The following CORO2A variants were observed in gnomAD, a reference collection of about 807,000 sequenced individuals.
CORO2A encodes the protein coronin-2A.
In CORO2A, 47 loss-of-function variants were observed where a neutral mutation model predicts 62.4. That is an observed-to-expected ratio of 0.75 (90% CI 0.60 to 0.96). CORO2A has a LOEUF of 0.96. CORO2A is among the 40% of genes least tolerant of loss of function. CORO2A has a pLI of 0.00. For synonymous variants in CORO2A, 273 were observed against 268.9 expected, an observed-to-expected ratio of 1.02 and a Z score of -0.15; for missense variants, 610 against 684.1, an observed-to-expected ratio of 0.89 and a Z score of 1.21.
At chr9:98,192,312 GC>G (rs990395647) in intron 1 of CORO2A, among the ~76,000 whole-genome samples, 53 of 152,338 alleles carry the variant, frequency 3.5e-4, no homozygotes, top group African/African-American at 1.3e-3. Flanking sequence ...CCTCGAGGCG[GC>G]CCCTCCCAAC....
In CORO2A at chr9:98,130,987, C is replaced by T. The variant is rs369134629; in HGVS notation, c.838G>A (p.Ala280Thr). 8.7e-6 allele frequency: 14 copies of T among 1,613,836 alleles called. No individual in the cohort carries two copies. The highest frequency in any genetic ancestry group is 3.3e-5 in the South Asian group (3 of 91,040). The change falls in exon 7 of 12, where the codon GCG becomes ACG. Residue 280 changes from alanine (A) to threonine (T), a missense_variant. Transcript: ENST00000375077. ...SSGVLFPFYD[A>T]DTSMLYVVGK... ...ACCACGTAGAGCATGCTGGTGTCCG[C>T]GTCATAGAAGGGAAACAGCACGCCC...
At chr9:98,137,342 C>T (rs1206408153) in intron 3 of CORO2A, among the ~76,000 whole-genome samples, 1 of 152,122 alleles carries the variant, frequency 6.6e-6, no homozygotes, top group East Asian at 1.9e-4. Flanking sequence ...ACTATTATGC[C>T]CATTTTATAT....
intron 1 of CORO2A, among the ~76,000 whole-genome samples, chr9:98,182,096 T>C (rs781422241): frequency 1.3e-5 from 2 of 152,206 alleles, no homozygotes; most frequent in Non-Finnish European, 2.9e-5. Context: ...CTCCAGATTC[T>C]GTGGGACTCT....
intron 9 of CORO2A, 32 bp downstream of exon 9, chr9:98,128,575 C>A: frequency 6.3e-7 from 1 of 1,592,342 alleles, no homozygotes; most frequent in Non-Finnish European, 8.6e-7. Context: ...AGGTTCCCCA[C>A]CTGCCTCCCA....
At chr9:98,137,754 A>G (rs1029851051) in intron 2 of CORO2A, 66 bp from the exon 3 acceptor site, 6 of 1,176,434 alleles carry the variant, frequency 5.1e-6, no homozygotes, top group Admixed American at 3.4e-5. Context: ...GGACAGTCAC[A>G]TAGTCAGTTA....
chr9:98,141,410 G>A lies in CORO2A; in HGVS notation c.202-3722C>T, dbSNP rs184053136. 3.7e-4 allele frequency among the ~76,000 whole-genome samples: 56 copies of A among 150,634 alleles called. No homozygotes were observed. The East Asian group carries it at 0.01, about 28-fold the overall frequency. ...CTTGTTGCTCAGGCTGGGGTGCAGC[G>A]GTGCGATCCCGGATCACTGCAACCT... On this transcript the variant is annotated intron_variant, in intron 2 of 11. Transcript: ENST00000375077.
Position 98,128,593 on chromosome 9 carries a change from C to T in CORO2A, c.1080+14G>A, listed in dbSNP as rs768618360. 15 of 1,612,156 alleles carry T rather than the reference C, an allele frequency of 9.3e-6. No individual in the cohort carries two copies. In the South Asian group the frequency reaches 1.6e-4, roughly 18 times the overall value. ...TTCCCCACCTGCCTCCCATGCGGTC[C>T]CGACTGCCCTTACCCGCCGGGGCAC... On this transcript the variant is annotated intron_variant, in intron 9 of 11. Transcript: ENST00000375077.
chr9:98,174,142 A>C lies in CORO2A; in HGVS notation c.1-16482T>G, dbSNP rs547697100. Among the ~76,000 whole-genome samples, 11 of 106,102 alleles carry C rather than the reference A, an allele frequency of 1.0e-4. No individual in the cohort carries two copies. The East Asian group carries it at 3.0e-3, about 29-fold the overall frequency. The allele number at this position is 106,102 out of a possible 152,430, so 69.6% of individuals were successfully genotyped here. A position where few individuals can be genotyped will look rare whatever the true frequency, so the allele number is the denominator to read the frequency against. On this transcript the variant is annotated intron_variant, in intron 1 of 11. Coordinates refer to ENST00000375077, the MANE Select transcript of CORO2A (RefSeq NM_052820.4). The stretch of plus-strand genomic sequence containing the variant: ...CCCCCACCGCCAAAACAAAAAACAA[A>C]AAAAAAAAACCAAAGAGCGTGTAGC...
At chr9:98,125,981 G>A (rs995247899) in intron 11 of CORO2A, among the ~76,000 whole-genome samples, 1 of 150,518 alleles carries the variant, frequency 6.6e-6, no homozygotes, top group Non-Finnish European at 1.5e-5. Flanking sequence ...GCCTACCAAA[G>A]TGCTGGGATT....
intron 2 of CORO2A, among the ~76,000 whole-genome samples, chr9:98,150,338 C>T (rs1010154043): frequency 5.9e-5 from 9 of 152,164 alleles, no homozygotes; most frequent in African/African-American, 1.9e-4. Flanking sequence ...ACTCCCCAAT[C>T]TGACCTCACC....
intron 1 of CORO2A, among the ~76,000 whole-genome samples, chr9:98,164,110 A>G (rs1416195386): frequency 6.6e-6 from 1 of 152,174 alleles, no homozygotes; most frequent in Non-Finnish European, 1.5e-5. Context: ...GCCACCTGTA[A>G]GTGCCTGGTG....
intron 1 of CORO2A, among the ~76,000 whole-genome samples, chr9:98,158,289 A>T (rs1268957765): frequency 3.3e-5 from 5 of 152,204 alleles, no homozygotes; most frequent in Admixed American, 3.3e-4. Context: ...CTAAAAAAAA[A>T]ATAAAAGAGA....
intron 1 of CORO2A, among the ~76,000 whole-genome samples, chr9:98,180,704 C>T (rs2118930771): frequency 1.3e-5 from 2 of 152,282 alleles, no homozygotes; most frequent in East Asian, 3.9e-4. Context: ...CGCACCCTCC[C>T]CACCTCCAGC....
At chr9:98,149,499 A>G (rs1285453744) in intron 2 of CORO2A, among the ~76,000 whole-genome samples, 1 of 152,260 alleles carries the variant, frequency 6.6e-6, no homozygotes, top group East Asian at 1.9e-4. Flanking sequence ...GCAGGAGGCA[A>G]AAGAAGCCTG....
At chr9:98,167,745 T>C (rs1276164431) in intron 1 of CORO2A, among the ~76,000 whole-genome samples, 1 of 152,266 alleles carries the variant, frequency 6.6e-6, no homozygotes, top group East Asian at 1.9e-4. Context: ...TGTGCTTATA[T>C]TAGACAAGAG....
rs867218697 is a variant in CORO2A, at chr9:98,172,439, A to G, written c.1-14779T>C. On this transcript the variant is annotated intron_variant, in intron 1 of 11. Coordinates refer to ENST00000375077, the MANE Select transcript of CORO2A (RefSeq NM_052820.4). ...GCCCCACTTCCGAGCTCAGCCCCAC[A>G]CCCCACTTCCAAGCTCAGCCCCACA... Among the ~76,000 whole-genome samples the G allele has an allele frequency of 6.8e-3, 361 of 52,942 alleles. 32 individuals are homozygous for G. Among genetic ancestry groups the G allele is most frequent in the African/African-American group, 0.025 (262 of 10,542 alleles). 34.7% of individuals were successfully genotyped at this position (52,942 alleles called of 152,430 possible).
In CORO2A at chr9:98,151,946, A is replaced by T. The variant is rs1827731238; in HGVS notation, c.201+5514T>A. Reference sequence around the variant, plus strand: ...ATTCTCCTGCCTCAGCCTCCCATGTAGCTGGGACCACAGGCGCACGCCACC... The same window carrying T: ...ATTCTCCTGCCTCAGCCTCCCATGTTGCTGGGACCACAGGCGCACGCCACC... On this transcript the variant is annotated intron_variant, in intron 2 of 11. Coordinates refer to ENST00000375077, the MANE Select transcript of CORO2A (RefSeq NM_052820.4). Among the ~76,000 whole-genome samples, 5 of 149,468 alleles carry T rather than the reference A, an allele frequency of 3.3e-5. No homozygotes were observed. In the South Asian group the frequency reaches 1.1e-3, roughly 32 times the overall value.
At chr9:98,173,244 C>T (rs2231654) in intron 1 of CORO2A, among the ~76,000 whole-genome samples, 5,416 of 152,268 alleles carry the variant, frequency 0.036, 243 homozygotes, top group African/African-American at 0.11. Flanking sequence ...ACCAAGTTCC[C>T]GGTGACTAGG....
intron 2 of CORO2A, among the ~76,000 whole-genome samples, chr9:98,150,090 C>T (rs970977222): frequency 5.9e-5 from 9 of 152,030 alleles, no homozygotes; most frequent in African/African-American, 2.2e-4. Flanking sequence ...TGCCACCACG[C>T]CCAACTAATT....
Sources: allele counts gnomAD v4.1 joint callset (sites outside exome capture counted in the v4.1 genomes callset), GRCh38; gene constraint gnomAD v4.1.1; transcripts MANE v1.5; gene names NCBI Gene and HGNC (gene_info 2026-07-23, HGNC 2026-07-21).